Variants in GRIN3A observed in about 807,000 individuals in gnomAD.
GRIN3A encodes glutamate receptor ionotropic, NMDA 3A.
A neutral mutation model predicts 92.4 loss-of-function variants in GRIN3A; 47 were observed. That is an observed-to-expected ratio of 0.51 (90% CI 0.40 to 0.65). The LOEUF (loss-of-function observed/expected upper bound fraction) is 0.65, where lower values mean the gene tolerates loss of function less well. Ranked by LOEUF, GRIN3A falls within the 30% of genes least tolerant of loss-of-function variation. GRIN3A has a pLI of 0.00. For synonymous variants in GRIN3A, 527 were observed against 540.6 expected (o/e 0.97, Z 0.35); for missense variants, 1,324 against 1,393.1 (o/e 0.95, Z 0.79).
chr9:101,663,572 A>G (rs1345064649), intron 3 of GRIN3A, among the ~76,000 whole-genome samples: 3 of 151,802 alleles, frequency 2.0e-5, no homozygotes, highest in Non-Finnish European at 2.9e-5. Context: ...AGCTTTCATT[A>G]TATGAATTCA....
chr9:101,670,959 G>A lies in GRIN3A; in HGVS notation c.1453C>T (p.Gln485Ter). ...KPMWTRLGSW[Q>*]GGKIVMDYGI... ...TAGTCCATGACAATCTTTCCCCCCT[G>A]CCAGCTGCCCAAGCGGGTCCACATT... is the stretch of plus-strand genomic sequence containing the variant. Residue 485 changes from glutamine to a stop codon, truncating the protein, a stop_gained, in exon 3 of 9, where the codon CAG becomes TAG. Coordinates refer to ENST00000361820, the MANE Select transcript of GRIN3A (RefSeq NM_133445.3). LOFTEE classifies it high-confidence loss of function. The A allele has an allele frequency of 6.2e-7, 1 of 1,613,980 alleles. No individual in the cohort carries two copies. Among genetic ancestry groups the A allele is most frequent in the Non-Finnish European group, 8.5e-7 (1 of 1,179,942 alleles).
intron 6 of GRIN3A, among the ~76,000 whole-genome samples, chr9:101,607,094 G>A (rs563779737): frequency 7.3e-5 from 11 of 151,542 alleles, no homozygotes; most frequent in South Asian, 2.1e-4. Flanking sequence ...GAGTCTGGTC[G>A]GCAGAATTGG....
intron 1 of GRIN3A, among the ~76,000 whole-genome samples, chr9:101,687,921 GA>G (rs1829560004): frequency 6.6e-6 from 1 of 152,148 alleles, no homozygotes; most frequent in South Asian, 2.1e-4. Context: ...CTTCATGGAA[GA>G]AGAGAAACTT....
chr9:101,692,873 C>T (rs1829638066), intron 1 of GRIN3A, among the ~76,000 whole-genome samples: 1 of 152,128 alleles, frequency 6.6e-6, no homozygotes, highest in African/African-American at 2.4e-5. Flanking sequence ...CTTATGGTTA[C>T]ATTAAGGACA....
intron 6 of GRIN3A, among the ~76,000 whole-genome samples, chr9:101,604,954 T>TAGGTAAAC (rs150226256): frequency 0.056 from 8,468 of 152,236 alleles, 314 homozygotes; most frequent in Admixed American, 0.087. Context: ...TAAATATTAA[T>TAGGTAAAC]AGGTAAACAC....
chr9:101,724,575 CA>C, intron 1 of GRIN3A, among the ~76,000 whole-genome samples: 1 of 152,346 alleles, frequency 6.6e-6, no homozygotes, highest in Middle Eastern at 3.4e-3. Context: ...CGGTGGGCTG[CA>C]GGGCTCCACA....
At chr9:101,591,286 C>G (rs1305762935) in intron 6 of GRIN3A, among the ~76,000 whole-genome samples, 1 of 152,210 alleles carries the variant, frequency 6.6e-6, no homozygotes, top group East Asian at 1.9e-4. Context: ...CAATTTACCT[C>G]TTTGGGCTTC....
At chr9:101,595,871 C>G (rs1042880443) in intron 6 of GRIN3A, among the ~76,000 whole-genome samples, 11 of 152,168 alleles carry the variant, frequency 7.2e-5, no homozygotes, top group Non-Finnish European at 8.8e-5. Flanking sequence ...CCCAAAGAAG[C>G]CTTTTGTGTG....
chr9:101,690,152 A>T (rs893111357), intron 1 of GRIN3A, among the ~76,000 whole-genome samples: 4 of 152,066 alleles, frequency 2.6e-5, no homozygotes, highest in African/African-American at 4.8e-5. Context: ...TAGTACTGAT[A>T]ATTCTCATTC....
chr9:101,669,555 G>A (rs908136031), intron 3 of GRIN3A, among the ~76,000 whole-genome samples: 2 of 152,076 alleles, frequency 1.3e-5, no homozygotes, highest in Admixed American at 1.3e-4. Flanking sequence ...TCTACACTCA[G>A]TGAGTTCCCT....
intron 3 of GRIN3A, among the ~76,000 whole-genome samples, chr9:101,644,550 C>G (rs529956494): frequency 2.7e-5 from 4 of 150,770 alleles, no homozygotes; most frequent in Non-Finnish European, 5.9e-5. Context: ...ATATTTGTAT[C>G]AATGTTTGAA....
At chr9:101,604,650 G>T (rs1281021610) in intron 6 of GRIN3A, among the ~76,000 whole-genome samples, 1 of 152,124 alleles carries the variant, frequency 6.6e-6, no homozygotes, top group African/African-American at 2.4e-5. Context: ...AAAAGAGAAG[G>T]GGTAGGAATG....
chr9:101,699,131 T>C (rs909085510), intron 1 of GRIN3A, among the ~76,000 whole-genome samples: 10 of 152,218 alleles, frequency 6.6e-5, no homozygotes, highest in African/African-American at 2.4e-4. Context: ...CCTTATTCTA[T>C]AAGTTTTTTT....
chr9:101,639,184 C>T (rs976412407), intron 3 of GRIN3A, among the ~76,000 whole-genome samples: 11 of 152,072 alleles, frequency 7.2e-5, no homozygotes, highest in African/African-American at 1.9e-4. Flanking sequence ...CTACCAGGTA[C>T]GATACTGTCT....
intron 2 of GRIN3A, among the ~76,000 whole-genome samples, chr9:101,680,727 G>A (rs1302642875): frequency 1.3e-5 from 2 of 152,134 alleles, no homozygotes; most frequent in Admixed American, 6.5e-5. Context: ...CTGACAGCAC[G>A]GCCTCTTACC....
rs1030992555 is a variant in GRIN3A at position 101,569,607 on chromosome 9, A to G, written c.*3567T>C. Reference sequence around the variant, plus strand: ...CTTATAAATACATTATTTTCATAAAATGATTAGTAACTAAAAAAAAAGAGT... The same window carrying G: ...CTTATAAATACATTATTTTCATAAAGTGATTAGTAACTAAAAAAAAAGAGT... On this transcript the variant is annotated 3_prime_UTR_variant, in exon 9 of 9. Coordinates refer to ENST00000361820, the MANE Select transcript of GRIN3A (RefSeq NM_133445.3). 1 of 152,200 alleles carries G rather than the reference A, an allele frequency of 6.6e-6. No individual in the cohort carries two copies. Among genetic ancestry groups the G allele is most frequent in the Non-Finnish European group, 1.5e-5 (1 of 68,034 alleles). 9.4% of individuals were successfully genotyped at this position (152,200 alleles called of 1,614,324 possible). A position where few individuals can be genotyped will look rare whatever the true frequency, so the allele number is the denominator to read the frequency against.
intron 6 of GRIN3A, among the ~76,000 whole-genome samples, chr9:101,597,935 G>A (rs1253413013): frequency 1.3e-5 from 2 of 152,054 alleles, no homozygotes; most frequent in African/African-American, 2.4e-5. Context: ...AGAACATAGT[G>A]TTTTGATATC....
In GRIN3A at chr9:101,663,368, C is replaced by T. The variant is rs575485423; in HGVS notation, c.2352+6692G>A. On this transcript the variant is annotated intron_variant, in intron 3 of 8. Transcript: ENST00000361820. ...CCTACTAAATTCCATGTTGCAAGGA[C>T]AGTGTCTATTTTGCTTACTCTTAAA... 3.3e-5 allele frequency among the ~76,000 whole-genome samples: 5 copies of T among 151,992 alleles called. No individual in the cohort carries two copies. In the South Asian group the frequency reaches 8.3e-4, roughly 25 times the overall value.
At chr9:101,622,947 T>C (rs1364674590) in intron 5 of GRIN3A, among the ~76,000 whole-genome samples, 3 of 150,426 alleles carry the variant, frequency 2.0e-5, no homozygotes, top group African/African-American at 7.4e-5. Context: ...AGGCCAGGAG[T>C]TGGAGACAAG....
Sources: gnomAD v4.1 joint callset for allele counts (sites outside exome capture counted in the v4.1 genomes callset) on GRCh38, gnomAD v4.1.1 for gene constraint, MANE v1.5 for transcripts, NCBI Gene and HGNC (gene_info 2026-07-23, HGNC 2026-07-21) for gene names.